Variants in FANCM observed in about 807,000 individuals in gnomAD.
FANCM encodes Fanconi anemia group M protein.
Under a neutral mutation model 199.5 loss-of-function variants are expected in FANCM, and 140 were observed. That is an observed-to-expected ratio of 0.70 (90% CI 0.61 to 0.81). The LOEUF is 0.81. Ranked by LOEUF, FANCM falls within the 30% of genes least tolerant of loss-of-function variation. FANCM has a pLI of 0.00. For synonymous variants in FANCM, 840 were observed against 836.8 expected (o/e 1.00, Z -0.07); for missense variants, 2,410 against 2,421.4 (o/e 1.00, Z 0.10).
intron 3 of FANCM, among the ~76,000 whole-genome samples, chr14:45,146,310 AC>A: frequency 6.6e-6 from 1 of 151,524 alleles, no homozygotes; most frequent in South Asian, 2.1e-4. Context: ...TGAAGTGAAT[AC>A]CAGGTACTGT....
intron 20 of FANCM, among the ~76,000 whole-genome samples, chr14:45,193,233 T>A (rs1191890037): frequency 6.6e-6 from 1 of 152,136 alleles, no homozygotes; most frequent in African/African-American, 2.4e-5. Flanking sequence ...CAGGAAAACA[T>A]CTTAAGCCTA....
intron 14 of FANCM, among the ~76,000 whole-genome samples, chr14:45,179,561 C>CTTTTT (rs36031280): frequency 5.2e-5 from 5 of 95,508 alleles, no homozygotes; most frequent in Admixed American, 1.2e-4. Context: ...TTCTTTCTTT[C>CTTTTT]TTTTTTTTTT....
intron 9 of FANCM, among the ~76,000 whole-genome samples, chr14:45,161,506 C>G (rs186921349): frequency 6.6e-6 from 1 of 152,118 alleles, no homozygotes; most frequent in Non-Finnish European, 1.5e-5. Context: ...CAGCCGGACA[C>G]TGTGGCTCAT....
chr14:45,171,756 G>C (rs1888357981), intron 12 of FANCM, among the ~76,000 whole-genome samples: 1 of 151,276 alleles, frequency 6.6e-6, no homozygotes, highest in Admixed American at 6.6e-5. Context: ...TCCACTCACT[G>C]ATTGATGGGC....
chr14:45,179,069 C>A (rs771841582), intron 14 of FANCM, among the ~76,000 whole-genome samples: 4 of 152,056 alleles, frequency 2.6e-5, no homozygotes, highest in African/African-American at 2.4e-5. Flanking sequence ...CGTCGTGGCA[C>A]GTTCCTGTAG....
At position 45,148,886 on chromosome 14, in the gene FANCM, G is replaced by T. The variant is rs759079934; in HGVS notation, c.809G>T (p.Arg270Leu). 2 of 1,610,592 alleles carry T rather than the reference G, an allele frequency of 1.2e-6. No homozygotes were observed. Among genetic ancestry groups the T allele is most frequent in the Non-Finnish European group, 1.7e-6 (2 of 1,177,110 alleles). Residue 270 changes from arginine to leucine, a missense_variant, in exon 4 of 23, where the codon CGT becomes CTT. By Grantham distance (102) the Arg-to-Leu change is moderately radical (BLOSUM62 -2). Coordinates refer to ENST00000267430, the MANE Select transcript of FANCM (RefSeq NM_020937.4). ...CTGCTAATTGGGCAGATAGAGCTTC[G>T]TTCTGAAGATTCTCCAGATATTTTG... ...TNLLIGQIEL[R>L]SEDSPDILTY...
rs745421590 is a variant in FANCM at position 45,185,272 on chromosome 14, AAT to A, written c.4574_4575del (p.Tyr1525CysfsTer5). On this transcript the variant is annotated frameshift_variant, in exon 18 of 23. Transcript: ENST00000267430. LOFTEE classifies it high-confidence loss of function. Reference sequence around the variant, plus strand: ...GCAGAACTTTCTGAAGAAGATGCAGAATATGTTTCATCAGATGAAAATGATGA... The same window carrying A: ...GCAGAACTTTCTGAAGAAGATGCAGAATGTTTCATCAGATGAAAATGATGA... The A allele has an allele frequency of 2.5e-6, 4 of 1,603,730 alleles. No individual in the cohort carries two copies. The highest frequency in any genetic ancestry group is 1.7e-5 in the Admixed American group (1 of 59,912).
chr14:45,162,247 A>G (rs1195757013), intron 9 of FANCM, among the ~76,000 whole-genome samples: 7 of 152,100 alleles, frequency 4.6e-5, no homozygotes. Flanking sequence ...TTAGCCAGGC[A>G]TGGTGGCGGA....
At position 45,159,183 on chromosome 14, in the gene FANCM, T is replaced by A; in HGVS notation, c.1484T>A (p.Met495Lys). ...FRDSVQEIAEMLSQHQPIIRV... is the reference protein window; with the variant it reads ...FRDSVQEIAEKLSQHQPIIRV... ...GATAGTGTTCAAGAAATTGCAGAAA[T>A]GCTTTCACAGCATCAGCCAATTATT... is the stretch of plus-strand genomic sequence containing the variant. The change falls in exon 9 of 23, where the codon ATG becomes AAG. Residue 495 changes from methionine (M) to lysine (K), a missense_variant. Physicochemically the swap from Met to Lys is moderately conservative, Grantham distance 95. Coordinates refer to ENST00000267430, the MANE Select transcript of FANCM (RefSeq NM_020937.4). 1 of 1,613,492 alleles carries A rather than the reference T, an allele frequency of 6.2e-7. No individual in the cohort carries two copies. Among genetic ancestry groups the A allele is most frequent in the Non-Finnish European group, 8.5e-7 (1 of 1,179,494 alleles).
intron 3 of FANCM, among the ~76,000 whole-genome samples, chr14:45,145,024 C>G (rs984320911): frequency 1.3e-5 from 2 of 151,988 alleles, no homozygotes; most frequent in African/African-American, 4.8e-5. Flanking sequence ...ATTTAGGGCC[C>G]AAGGGCTCTT....
intron 5 of FANCM, among the ~76,000 whole-genome samples, chr14:45,152,031 TC>T (rs1886857121): frequency 6.7e-6 from 1 of 149,620 alleles, no homozygotes; most frequent in Non-Finnish European, 1.5e-5. Context: ...TTTAACTTTT[TC>T]TTTTTTTTTT....
chr14:45,158,563 C>T (rs955556842), intron 8 of FANCM, among the ~76,000 whole-genome samples: 1 of 151,986 alleles, frequency 6.6e-6, no homozygotes. Context: ...TGGATTAAGA[C>T]ATTTCCTTTA....
rs1288685019 is a variant in FANCM at position 45,155,470 on chromosome 14, T to C, written c.1396+11T>C. The C allele has an allele frequency of 7.5e-7, 1 of 1,327,028 alleles. No individual in the cohort carries two copies. The highest frequency in any genetic ancestry group is 1.2e-5 in the South Asian group (1 of 85,258). 82.2% of individuals were successfully genotyped at this position (1,327,028 alleles called of 1,614,324 possible). A position where few individuals can be genotyped will look rare whatever the true frequency, so the allele number is the denominator to read the frequency against. On this transcript the variant is annotated intron_variant, in intron 8 of 22. Coordinates refer to ENST00000267430, the MANE Select transcript of FANCM (RefSeq NM_020937.4). ...TCAAGTCATGGAATGGTAGGTCATATTTAGTAGCTTTAAGGCAAGACAAAG... is the reference window on the plus strand; with the variant it reads ...TCAAGTCATGGAATGGTAGGTCATACTTAGTAGCTTTAAGGCAAGACAAAG...
intron 3 of FANCM, among the ~76,000 whole-genome samples, chr14:45,141,594 CTTT>C (rs1236187140): frequency 2.3e-5 from 3 of 130,536 alleles, no homozygotes; most frequent in Admixed American, 8.0e-5. Context: ...CTTTCTTTCT[CTTT>C]TTTTTTTTTT....
chr14:45,175,161 A>G lies in FANCM; in HGVS notation c.2407A>G (p.Asn803Asp). 1 of 1,611,474 alleles carries G rather than the reference A, an allele frequency of 6.2e-7. No homozygotes were observed. Among genetic ancestry groups the G allele is most frequent in the East Asian group, 2.2e-5 (1 of 44,722 alleles). Reference protein sequence around the residue: ...TFIAPRNESNNLASDTFITHK... With the variant: ...TFIAPRNESNDLASDTFITHK... ...TATTGCTCCCAGGAATGAATCTAAT[A>G]ATCTTGCCAGTGACACCTTTATCAC... Residue 803 changes from asparagine (N) to aspartate (D), a missense_variant, in exon 14 of 23, where the codon AAT (asparagine) becomes GAT (aspartate). By Grantham distance (23) the Asn-to-Asp change is conservative. Coordinates refer to ENST00000267430, the MANE Select transcript of FANCM (RefSeq NM_020937.4).
intron 14 of FANCM, among the ~76,000 whole-genome samples, chr14:45,178,612 A>G (rs186468185): frequency 9.7e-4 from 148 of 152,352 alleles, no homozygotes; most frequent in Non-Finnish European, 1.5e-3. Flanking sequence ...GTTGGTTACT[A>G]TAGCCGAGTC....
intron 14 of FANCM, among the ~76,000 whole-genome samples, chr14:45,177,966 A>G (rs1206255838): frequency 1.3e-5 from 2 of 152,228 alleles, no homozygotes; most frequent in Admixed American, 1.3e-4. Flanking sequence ...CACTTACAGA[A>G]AAACTAGATG....
intron 9 of FANCM, among the ~76,000 whole-genome samples, chr14:45,162,800 G>T (rs1433665121): frequency 6.6e-6 from 1 of 151,834 alleles, no homozygotes; most frequent in Non-Finnish European, 1.5e-5. Flanking sequence ...TAACTAAAAA[G>T]AAAATTGACA....
At chr14:45,143,483 T>C (rs1886127421) in intron 3 of FANCM, among the ~76,000 whole-genome samples, 1 of 151,928 alleles carries the variant, frequency 6.6e-6, no homozygotes, top group African/African-American at 2.4e-5. Context: ...ACCTTGCCAC[T>C]CTTTCTTTTG....
Sources: allele counts gnomAD v4.1 joint callset (sites outside exome capture counted in the v4.1 genomes callset), GRCh38; gene constraint gnomAD v4.1.1; transcripts MANE v1.5; gene names NCBI Gene and HGNC (gene_info 2026-07-23, HGNC 2026-07-21).